Variants in PPP1R11 observed in about 807,000 individuals in gnomAD.
PPP1R11 encodes protein phosphatase 1 regulatory inhibitor subunit 11.
Under a neutral mutation model 11.3 loss-of-function variants are expected in PPP1R11, and 10 were observed. The ratio of observed to expected loss-of-function variants is 0.88; its 90% confidence interval spans 0.55 to 1.50. The LOEUF (loss-of-function observed/expected upper bound fraction) is 1.50. PPP1R11 is among the 40% of genes most tolerant of loss of function. The pLI, the probability that PPP1R11 is intolerant of heterozygous loss-of-function variation, is 0.00. For missense variants in PPP1R11, 114 were observed against 179.1 expected, an observed-to-expected ratio of 0.64 and a Z score of 2.07; for synonymous variants, 56 against 62.3, an observed-to-expected ratio of 0.90 and a Z score of 0.48.
upstream of PPP1R11, chr6:30,065,038 T>C (rs1328282139): frequency 4.2e-6 from 1 of 240,922 alleles, no homozygotes; most frequent in Non-Finnish European, 7.8e-6. This position sits in a 1 kb window ranked among gnomAD's most constrained non-coding sequence, Gnocchi z 5.3. Context: ...GAGGCTAATA[T>C]AAACAAAAAG....
In PPP1R11 at chr6:30,068,523, C is replaced by T. The variant is rs878880574; in HGVS notation, c.70-67C>T. On this transcript the variant is annotated intron_variant, in intron 1 of 2. Transcript: ENST00000376772. ...CTAAAGAAGAAAAGAGAGGAGGTTC[C>T]CTGGGAGGGAGTGGGAAAGGTTAGT... 4 of 1,313,792 alleles carry T rather than the reference C, an allele frequency of 3.0e-6. No homozygotes were observed. In the South Asian group the frequency reaches 3.8e-5, roughly 12 times the overall value. The allele number at this position is 1,313,792 out of a possible 1,614,324, so 81.4% of individuals were successfully genotyped here. A position where few individuals can be genotyped will look rare whatever the true frequency, so the allele number is the denominator to read the frequency against.
chr6:30,068,457 C>T, intron 1 of PPP1R11, 133 bp from the exon 2 acceptor site: 1 of 650,488 alleles, frequency 1.5e-6, no homozygotes, highest in Non-Finnish European at 2.7e-6. Flanking sequence ...GTTTTATCTT[C>T]TGTCAGCTCC....
At chr6:30,061,615 G>A in the PPP1R11 span, 1 of 1,612,982 alleles carries the variant, frequency 6.2e-7, no homozygotes. The surrounding 1 kb of genome is among the most constrained non-coding windows in gnomAD (Gnocchi z 5.0). Context: ...GCCTCTGCCC[G>A]GGGCTCAGGA....
intron 1 of PPP1R11, 174 bp from the exon 2 acceptor site, chr6:30,068,416 A>G (rs1357095367): frequency 1.7e-5 from 9 of 520,388 alleles, no homozygotes; most frequent in Non-Finnish European, 3.1e-5. Flanking sequence ...CTTATTCCTC[A>G]AGGGACTATC....
upstream of PPP1R11, chr6:30,062,341 T>A (rs771478740): frequency 6.5e-7 from 1 of 1,545,600 alleles, no homozygotes; most frequent in African/African-American, 1.4e-5. Context: ...CAAGTGAGTA[T>A]TCTTTCCCCT....
chr6:30,063,817 T>A (rs1175855244), upstream of PPP1R11, among the ~76,000 whole-genome samples: 4 of 152,196 alleles, frequency 2.6e-5, no homozygotes, highest in African/African-American at 9.7e-5. This position sits in a 1 kb window ranked among gnomAD's most constrained non-coding sequence, Gnocchi z 4.1. Context: ...TGGCTTCATG[T>A]TTTTTGGAGC....
chr6:30,068,459 G>A (rs765679857), intron 1 of PPP1R11, 131 bp from the exon 2 acceptor site: 3 of 660,454 alleles, frequency 4.5e-6, no homozygotes, highest in African/African-American at 3.6e-5. Flanking sequence ...TTTATCTTCT[G>A]TCAGCTCCTC....
At chr6:30,062,474 G>T, upstream of PPP1R11, 4 of 498,758 alleles carry the variant, frequency 8.0e-6, no homozygotes, top group South Asian at 6.3e-5. Context: ...GAGATTTGTA[G>T]TTGTTTTTTA....
rs1344709004 is a variant in PPP1R11, at chr6:30,067,398, C to G, written c.-13C>G. The G allele has an allele frequency of 6.2e-7, 1 of 1,613,408 alleles. No homozygotes were observed. The highest frequency in any genetic ancestry group is 1.7e-5 in the Admixed American group (1 of 60,016). ...CCCCCTTCCTCCTCTCCTCCCTGTC[C>G]TGAGCCTTAGCCATGGCCGAGGCAG... On this transcript the variant is annotated 5_prime_UTR_variant, in exon 1 of 3. Coordinates refer to ENST00000376772, the MANE Select transcript of PPP1R11 (RefSeq NM_021959.3).
upstream of PPP1R11, among the ~76,000 whole-genome samples, chr6:30,064,348 C>T (rs983338979): frequency 2.0e-5 from 3 of 149,888 alleles, no homozygotes; most frequent in African/African-American, 7.3e-5. Flanking sequence ...CAGCGTGTGG[C>T]TTGCCTATTT....
chr6:30,068,802 T>C, intron 2 of PPP1R11, 104 bp downstream of exon 2: 1 of 1,051,556 alleles, frequency 9.5e-7, no homozygotes, highest in East Asian at 2.5e-5. Flanking sequence ...CAGATGTTCA[T>C]AGTTCTGTCA....
chr6:30,063,560 CTA>C (rs1765282334), upstream of PPP1R11, among the ~76,000 whole-genome samples: 3 of 151,420 alleles, frequency 2.0e-5, no homozygotes, highest in East Asian at 5.8e-4. This position sits in a 1 kb window ranked among gnomAD's most constrained non-coding sequence, Gnocchi z 4.1. Flanking sequence ...TTATTATATT[CTA>C]TGTCTTATAA....
upstream of PPP1R11, chr6:30,061,871 G>C: frequency 1.3e-6 from 2 of 1,598,788 alleles, no homozygotes; most frequent in Non-Finnish European, 1.7e-6. The surrounding 1 kb of genome is among the most constrained non-coding windows in gnomAD (Gnocchi z 5.0). Flanking sequence ...TCCGGTGTCA[G>C]CTCTCTCTGG....
At chr6:30,066,582 G>C (rs1370391647), upstream of PPP1R11, 2 of 152,206 alleles carry the variant, frequency 1.3e-5, no homozygotes, top group Non-Finnish European at 2.9e-5. Flanking sequence ...TTTTCAGCAT[G>C]CCTGTCTTTC....
upstream of PPP1R11, among the ~76,000 whole-genome samples, chr6:30,063,260 G>A (rs1332255236): frequency 6.6e-6 from 1 of 152,018 alleles, no homozygotes. This position sits in a 1 kb window ranked among gnomAD's most constrained non-coding sequence, Gnocchi z 4.1. Context: ...TTACTAGAAA[G>A]AGGTTTCTCT....
chr6:30,067,048 C>G, upstream of PPP1R11: 1 of 275,980 alleles, frequency 3.6e-6, no homozygotes, highest in Non-Finnish European at 7.1e-6. Flanking sequence ...CCTCCTCCAC[C>G]CACACCCGCA....
intron 1 of PPP1R11, 37 bp downstream of exon 1, chr6:30,067,516 T>A (rs769873748): frequency 6.3e-7 from 1 of 1,583,340 alleles, no homozygotes; most frequent in South Asian, 1.1e-5. Context: ...TTTAGGGGTC[T>A]GGGAGATACT....
intron 1 of PPP1R11, 102 bp downstream of exon 1, chr6:30,067,581 A>T: frequency 1.4e-6 from 2 of 1,404,902 alleles, no homozygotes; most frequent in South Asian, 1.2e-5. Context: ...GCCTAGGGAT[A>T]TGGGAGGTGT....
rs929262983 is a variant in PPP1R11 at position 30,069,536 on chromosome 6, A to G, written c.*230A>G. 2.7e-5 allele frequency: 12 copies of G among 443,440 alleles called. No individual in the cohort carries two copies. The highest frequency in any genetic ancestry group is 1.8e-4 in the African/African-American group (9 of 49,976). 27.5% of individuals were successfully genotyped at this position (443,440 alleles called of 1,614,324 possible). A position where few individuals can be genotyped will look rare whatever the true frequency, so the allele number is the denominator to read the frequency against. The stretch of plus-strand genomic sequence containing the variant: ...CCCACCCTTCTCTCTCGAGGGATCT[A>G]GGCACCTTGGTCCCAGTGTCTTCCT... On this transcript the variant is annotated 3_prime_UTR_variant, in exon 3 of 3. Coordinates refer to ENST00000376772, the MANE Select transcript of PPP1R11 (RefSeq NM_021959.3). This position sits in a 1 kb window ranked among gnomAD's most constrained non-coding sequence, Gnocchi z 6.6.
Sources: allele counts gnomAD v4.1 joint callset (sites outside exome capture counted in the v4.1 genomes callset), GRCh38; gene constraint gnomAD v4.1.1; non-coding constraint Gnocchi (gnomAD v3.1); transcripts MANE v1.5; gene names NCBI Gene and HGNC (gene_info 2026-07-23, HGNC 2026-07-21).